The following TACC2 variants were observed in gnomAD, a reference collection of about 807,000 sequenced individuals.
TACC2 encodes transforming acidic coiled-coil-containing protein 2.
Under a neutral mutation model 227.3 loss-of-function variants are expected in TACC2, and 137 were observed. That is an observed-to-expected ratio of 0.60 (90% CI 0.52 to 0.69). TACC2 has a LOEUF of 0.69. Among genes scored for constraint, TACC2 ranks in the 30% least tolerant of loss-of-function variants. TACC2 has a pLI of 0.00. For synonymous variants in TACC2, 1,523 were observed against 1,487.5 expected, an observed-to-expected ratio of 1.02 and a Z score of -0.55; for missense variants, 3,470 against 3,694.4, an observed-to-expected ratio of 0.94 and a Z score of 1.57.
rs1432154804 is a variant in TACC2, at chr10:122,086,137, C to T, written c.3637C>T (p.His1213Tyr). The T allele has an allele frequency of 4.3e-6, 7 of 1,613,566 alleles. No individual in the cohort carries two copies. The highest frequency in any genetic ancestry group is 5.9e-6 in the Non-Finnish European group (7 of 1,179,978). Residue 1213 changes from histidine to tyrosine, a missense_variant, in exon 4 of 23, where the codon CAC becomes TAC. By Grantham distance (83) the His-to-Tyr change is moderately conservative (BLOSUM62 2). This residue lies in a region of TACC2 where 1,924 missense variants were observed against 1,978.3 expected (regional missense o/e 0.97). Transcript: ENST00000369005. ...IPRSTMDFST[H>Y]QAVPDPKELL... is the part of the protein sequence containing the mutation. ...CAGGAGCACCATGGATTTTTCTACA[C>T]ACCAGGCTGTCCCAGACCCAAAGGA... is the stretch of plus-strand genomic sequence containing the variant.
rs181641146 is a variant in TACC2 at position 122,106,415 on chromosome 10, T to G, written c.5573+17824T>G. On this transcript the variant is annotated intron_variant, in intron 5 of 22. Transcript: ENST00000369005. ...TGGTGGGTATTTGAACCATTAATGG[T>G]TATTTCTGTGTCAGGCAAATTGAGC... Among the ~76,000 whole-genome samples the G allele has an allele frequency of 6.7e-4, 102 of 152,326 alleles. 2 individuals are homozygous for G. The highest frequency in any genetic ancestry group is 5.6e-3 in the Admixed American group (86 of 15,306).
chr10:122,044,204 G>A (rs1424754256), intron 2 of TACC2, among the ~76,000 whole-genome samples: 2 of 152,206 alleles, frequency 1.3e-5, no homozygotes, highest in East Asian at 1.9e-4. Context: ...TTCCGTTTGC[G>A]GAAAGCTGAA....
Position 122,085,565 on chromosome 10 carries a change from A to T in TACC2, c.3065A>T (p.Asp1022Val), listed in dbSNP as rs762808866. 8.7e-6 allele frequency: 14 copies of T among 1,613,154 alleles called. No homozygotes were observed. The highest frequency in any genetic ancestry group is 1.2e-5 in the Non-Finnish European group (14 of 1,180,032). Reference protein sequence around the residue: ...QRHPGASEAADGCSPLWGLSK... With the variant: ...QRHPGASEAAVGCSPLWGLSK... Reference sequence around the variant, plus strand: ...CATCCAGGAGCTTCTGAAGCAGCTGATGGTTGTTCCCCACTCTGGGGCTTG... The same window carrying T: ...CATCCAGGAGCTTCTGAAGCAGCTGTTGGTTGTTCCCCACTCTGGGGCTTG... Residue 1022 changes from aspartate (D) to valine (V), a missense_variant, in exon 4 of 23, where the codon GAT (aspartate) becomes GTT (valine). By Grantham distance (152) the Asp-to-Val change is radical. Coordinates refer to ENST00000369005, the MANE Select transcript of TACC2 (RefSeq NM_206862.4).
At chr10:122,023,173 G>A (rs1957536928) in intron 2 of TACC2, 1 of 152,100 alleles carries the variant, frequency 6.6e-6, no homozygotes, top group Admixed American at 6.6e-5. Context: ...GGGATTACAG[G>A]GGCCTGCCAC....
intron 7 of TACC2, among the ~76,000 whole-genome samples, chr10:122,171,096 C>CCTTTTAAAAAGGAAGGTGGGT (rs2093450790): frequency 6.6e-6 from 1 of 152,112 alleles, no homozygotes; most frequent in African/African-American, 2.4e-5. Flanking sequence ...AAGCAGTGGG[C>CCTTTTAAAAAGGAAGGTGGGT]CTTTTAAAAA....
At chr10:122,173,902 G>T (rs2093592923) in intron 7 of TACC2, among the ~76,000 whole-genome samples, 2 of 152,204 alleles carry the variant, frequency 1.3e-5, no homozygotes. Context: ...CACGTTCCAG[G>T]CTCCATGACC....
chr10:122,240,191 C>T (rs987436080), intron 18 of TACC2, among the ~76,000 whole-genome samples: 5 of 152,210 alleles, frequency 3.3e-5, no homozygotes, highest in African/African-American at 9.7e-5. Context: ...GGTCTCTCCA[C>T]GCTTCCAAAA....
intron 5 of TACC2, among the ~76,000 whole-genome samples, chr10:122,105,868 C>T (rs2082705070): frequency 6.6e-6 from 1 of 151,964 alleles, no homozygotes; most frequent in Admixed American, 6.6e-5. Context: ...GGTGATCTGC[C>T]CGCCGCAGCC....
chr10:122,223,042 T>C (rs1177921165), intron 11 of TACC2, among the ~76,000 whole-genome samples: 7 of 140,430 alleles, frequency 5.0e-5, no homozygotes, highest in African/African-American at 1.9e-4. Flanking sequence ...TCCTCCTCTC[T>C]CTCTCTCTCT....
At chr10:122,204,539 A>G (rs1283303418) in intron 8 of TACC2, among the ~76,000 whole-genome samples, 2 of 152,196 alleles carry the variant, frequency 1.3e-5, no homozygotes, top group Non-Finnish European at 2.9e-5. Context: ...AAAGCAGGAC[A>G]GAGAGGGACA....
chr10:122,129,004 G>A (rs1217784336), intron 5 of TACC2, among the ~76,000 whole-genome samples: 1 of 150,872 alleles, frequency 6.6e-6, no homozygotes, highest in Admixed American at 6.6e-5. Context: ...TTCAACCTAT[G>A]TTCAATTAAT....
Position 122,101,244 on chromosome 10 carries a change from T to TA in TACC2, c.5573+12654dup, listed in dbSNP as rs575977959. ...GCAAAATGAGTATAAAATTAATACT[T>TA]ACCTCATGAGGATTCAGTGAAATAG... On this transcript the variant is annotated intron_variant, in intron 5 of 22. Transcript: ENST00000369005. Among the ~76,000 whole-genome samples the TA allele has an allele frequency of 2.9e-3, 444 of 152,278 alleles. 2 individuals are homozygous for TA. Among genetic ancestry groups the TA allele is most frequent in the Non-Finnish European group, 5.3e-3 (358 of 68,030 alleles).
chr10:122,124,691 A>G (rs1182794895), intron 5 of TACC2, among the ~76,000 whole-genome samples: 3 of 152,154 alleles, frequency 2.0e-5, no homozygotes, highest in Non-Finnish European at 4.4e-5. Context: ...GCCTTTGCCC[A>G]AGAAGTTCTT....
chr10:122,016,274 A>AAAAAAAAAAAAAGG (rs1956615168), intron 1 of TACC2, among the ~76,000 whole-genome samples: 1 of 18,148 alleles, frequency 5.5e-5, no homozygotes, highest in African/African-American at 3.5e-4. Context: ...AAAAAAAAGG[A>AAAAAAAAAAAAAGG]AAAAAAAAAA....
intron 7 of TACC2, among the ~76,000 whole-genome samples, chr10:122,160,034 T>C (rs772592764): frequency 1.3e-5 from 2 of 152,200 alleles, no homozygotes; most frequent in Admixed American, 6.5e-5. Flanking sequence ...AGCTTCAGTT[T>C]ATCTTTTGGC....
intron 1 of TACC2, among the ~76,000 whole-genome samples, chr10:121,998,763 C>G (rs1360225010): frequency 6.6e-6 from 1 of 152,164 alleles, no homozygotes; most frequent in Non-Finnish European, 1.5e-5. Context: ...TGACTTTATG[C>G]AGCCAAGCCG....
intron 3 of TACC2, among the ~76,000 whole-genome samples, chr10:122,073,566 T>C (rs2461227): frequency 0.39 from 59,366 of 152,034 alleles, 13,557 homozygotes; most frequent in Non-Finnish European, 0.52. Flanking sequence ...GTGTGTTCTG[T>C]GGCCCATCAT....
chr10:122,088,330 A>T, intron 4 of TACC2, 148 bp from the exon 5 acceptor site: 1 of 705,886 alleles, frequency 1.4e-6, no homozygotes. Context: ...GGATTTATTT[A>T]GTCAGGGGGC....
chr10:122,069,064 C>T (rs2077726841), intron 3 of TACC2, among the ~76,000 whole-genome samples: 1 of 95,372 alleles, frequency 1.0e-5, no homozygotes, highest in African/African-American at 4.2e-5. Context: ...ATCAGTCCTC[C>T]CCTCTCTAGT....
Sources: allele counts gnomAD v4.1 joint callset (sites outside exome capture counted in the v4.1 genomes callset), GRCh38; gene constraint gnomAD v4.1.1; regional missense constraint gnomAD v4.1.1; transcripts MANE v1.5; gene names NCBI Gene and HGNC (gene_info 2026-07-23, HGNC 2026-07-21).